Variants in RAB10 observed in about 807,000 individuals in gnomAD.
RAB10 encodes ras-related protein Rab-10.
A neutral mutation model predicts 25.7 loss-of-function variants in RAB10; 5 were observed. That is an observed-to-expected ratio of 0.19 (90% CI 0.10 to 0.41). The LOEUF is 0.41. RAB10 is among the 10% of genes least tolerant of loss of function. The pLI, the probability that RAB10 is intolerant of heterozygous loss-of-function variation, is 1.00. For synonymous variants in RAB10, 89 were observed against 86.4 expected (o/e 1.03, Z -0.16); for missense variants, 103 against 245.8 (o/e 0.42, Z 3.89).
At chr2:26,102,829 A>G (rs955953617) in intron 2 of RAB10, among the ~76,000 whole-genome samples, 1 of 152,120 alleles carries the variant, frequency 6.6e-6, no homozygotes, top group Non-Finnish European at 1.5e-5. Context: ...GCTACAGGCA[A>G]AGCCAGGGTT....
intron 1 of RAB10, among the ~76,000 whole-genome samples, chr2:26,045,359 C>A (rs1665979083): frequency 6.6e-6 from 1 of 152,150 alleles, no homozygotes; most frequent in South Asian, 2.1e-4. Flanking sequence ...CCTGCCTCAG[C>A]CTCCTGAGTA....
intron 1 of RAB10, among the ~76,000 whole-genome samples, chr2:26,049,809 T>TCTG (rs1336723330): frequency 6.6e-6 from 1 of 152,226 alleles, no homozygotes; most frequent in African/African-American, 2.4e-5. Context: ...TCCATTTAGT[T>TCTG]AAGTAGCCTA....
At chr2:26,108,996 G>C (rs1667520626) in intron 2 of RAB10, among the ~76,000 whole-genome samples, 1 of 151,680 alleles carries the variant, frequency 6.6e-6, no homozygotes, top group African/African-American at 2.4e-5. Context: ...ACTGCAACCT[G>C]TGCCTCCTGT....
chr2:26,087,910 A>C (rs1422499656), intron 1 of RAB10, among the ~76,000 whole-genome samples: 1 of 152,252 alleles, frequency 6.6e-6, no homozygotes, highest in Admixed American at 6.5e-5. Context: ...TCACATCTGC[A>C]TACAGATAAA....
At chr2:26,083,033 A>G (rs1404071984) in intron 1 of RAB10, among the ~76,000 whole-genome samples, 1 of 152,182 alleles carries the variant, frequency 6.6e-6, no homozygotes, top group Non-Finnish European at 1.5e-5. Flanking sequence ...GATGAAATAC[A>G]CCTCATGATA....
chr2:26,062,573 G>C (rs1434022516), intron 1 of RAB10, among the ~76,000 whole-genome samples: 1 of 152,092 alleles, frequency 6.6e-6, no homozygotes, highest in African/African-American at 2.4e-5. Context: ...AGCTACTCGG[G>C]AGGCTGAGGC....
intron 1 of RAB10, among the ~76,000 whole-genome samples, chr2:26,091,897 C>CA (rs1667114338): frequency 6.6e-6 from 1 of 152,036 alleles, no homozygotes; most frequent in Admixed American, 6.6e-5. Context: ...GAGGACCAGG[C>CA]ATGGTGGCTC....
intron 1 of RAB10, among the ~76,000 whole-genome samples, chr2:26,075,039 A>G (rs965869819): frequency 6.6e-6 from 1 of 152,220 alleles, no homozygotes; most frequent in African/African-American, 2.4e-5. Flanking sequence ...TTGGGAGTAG[A>G]AAATAAGATT....
chr2:26,131,943 A>G (rs916415012), intron 5 of RAB10, among the ~76,000 whole-genome samples: 1 of 152,254 alleles, frequency 6.6e-6, no homozygotes, highest in African/African-American at 2.4e-5. Flanking sequence ...TTATGTGCAC[A>G]TTAACTGTGT....
chr2:26,104,104 A>G (rs900096194), intron 2 of RAB10, among the ~76,000 whole-genome samples: 8 of 152,210 alleles, frequency 5.3e-5, no homozygotes, highest in Non-Finnish European at 8.8e-5. Context: ...TTATATGCCT[A>G]GAATTGTTGG....
chr2:26,061,673 G>C (rs1369648809), intron 1 of RAB10, among the ~76,000 whole-genome samples: 2 of 151,744 alleles, frequency 1.3e-5, no homozygotes, highest in East Asian at 3.9e-4. Context: ...TTATAGGTGT[G>C]AGTCATTGTC....
At chr2:26,124,556 G>A (rs1033489170) in intron 3 of RAB10, among the ~76,000 whole-genome samples, 8 of 151,688 alleles carry the variant, frequency 5.3e-5, no homozygotes, top group Admixed American at 2.6e-4. Context: ...ATGAGCCCCC[G>A]TGCTCAGCCT....
At chr2:26,118,465 A>G (rs1024256424) in intron 3 of RAB10, among the ~76,000 whole-genome samples, 11 of 152,052 alleles carry the variant, frequency 7.2e-5, no homozygotes, top group Non-Finnish European at 1.6e-4. Flanking sequence ...TGGGGAATTA[A>G]CAGGTTCTCA....
At position 26,114,926 on chromosome 2, in the gene RAB10, G is replaced by T. The variant is rs531175184; in HGVS notation, c.327+5020G>T. ...CAAAAAAAGAAAAAAAACCAAAAAG[G>T]ATCATGGACCTACATGTAAGATCTA... On this transcript the variant is annotated intron_variant, in intron 3 of 5. Transcript: ENST00000264710. 4.6e-5 allele frequency among the ~76,000 whole-genome samples: 7 copies of T among 151,792 alleles called. No homozygotes were observed. In the East Asian group the frequency reaches 1.4e-3, roughly 29 times the overall value.
chr2:26,122,606 C>T (rs1473605067), intron 3 of RAB10, among the ~76,000 whole-genome samples: 2 of 146,378 alleles, frequency 1.4e-5, no homozygotes, highest in Non-Finnish European at 3.0e-5. Flanking sequence ...CCAGCCTGGG[C>T]GACAGAGCGA....
intron 1 of RAB10, among the ~76,000 whole-genome samples, chr2:26,057,390 T>C (rs1050590926): frequency 4.0e-5 from 6 of 149,860 alleles, no homozygotes; most frequent in Non-Finnish European, 7.4e-5. Context: ...GTTGCGCCTA[T>C]GAATAGCCAT....
At chr2:26,127,986 G>T (rs1328516348) in intron 5 of RAB10, 35 bp downstream of exon 5, 2 of 1,462,972 alleles carry the variant, frequency 1.4e-6, no homozygotes, top group East Asian at 2.3e-5. Context: ...CCAGGTACCT[G>T]AGTATCTCTG....
At chr2:26,113,584 C>A (rs1488748259) in intron 3 of RAB10, among the ~76,000 whole-genome samples, 2 of 148,992 alleles carry the variant, frequency 1.3e-5, no homozygotes, top group Non-Finnish European at 3.0e-5. Flanking sequence ...AAAAAAAAGT[C>A]AACAAACTAG....
At chr2:26,071,651 G>A (rs1484872404) in intron 1 of RAB10, among the ~76,000 whole-genome samples, 1 of 151,176 alleles carries the variant, frequency 6.6e-6, no homozygotes, top group Non-Finnish European at 1.5e-5. Context: ...TGGCACCACT[G>A]CAACTCCAGC....
Sources: gnomAD v4.1 joint callset for allele counts (sites outside exome capture counted in the v4.1 genomes callset) on GRCh38, gnomAD v4.1.1 for gene constraint, MANE v1.5 for transcripts, NCBI Gene and HGNC (gene_info 2026-07-23, HGNC 2026-07-21) for gene names.